The following ZNF148 variants were observed in gnomAD, a reference collection of about 807,000 sequenced individuals.
ZNF148 encodes the protein zinc finger protein 148, also known as Beta-Enolase Repressor Factor-1.
ZNF148 carries 7 observed loss-of-function variants against 67.7 expected under a neutral mutation model. That is an observed-to-expected ratio of 0.10 (90% CI 0.06 to 0.19). The LOEUF (loss-of-function observed/expected upper bound fraction) is 0.19. ZNF148 is among the 10% of genes least tolerant of loss of function. The pLI is 1.00. For synonymous variants in ZNF148, 333 were observed against 330.7 expected (o/e 1.01, Z -0.08); for missense variants, 583 against 947.1 (o/e 0.62, Z 5.05).
At chr3:125,248,069 T>C (rs1228330457) in intron 7 of ZNF148, among the ~76,000 whole-genome samples, 1 of 152,178 alleles carries the variant, frequency 6.6e-6, no homozygotes, top group Non-Finnish European at 1.5e-5. Context: ...GATGTTCCAA[T>C]GATGGCACCT....
chr3:125,282,563 AT>A (rs917320187), intron 5 of ZNF148, among the ~76,000 whole-genome samples: 3 of 152,056 alleles, frequency 2.0e-5, no homozygotes, highest in East Asian at 1.9e-4. Flanking sequence ...AACACACTAC[AT>A]TTTTTTTCTT....
At position 125,230,965 on chromosome 3, in the gene ZNF148, C is replaced by G. The variant is rs1935832449; in HGVS notation, c.*1376G>C. The G allele has an allele frequency of 6.6e-6, 1 of 151,808 alleles. No homozygotes were observed. The highest frequency in any genetic ancestry group is 1.5e-5 in the Non-Finnish European group (1 of 67,812). 9.4% of individuals were successfully genotyped at this position (151,808 alleles called of 1,614,324 possible). A position where few individuals can be genotyped will look rare whatever the true frequency, so the allele number is the denominator to read the frequency against. On this transcript the variant is annotated 3_prime_UTR_variant, in exon 9 of 9. Transcript: ENST00000360647. ...TACATAAAAGCACTATTTATTGTAC[C>G]ATGCTGTATTATTTTAAGACAGAGT... is the stretch of plus-strand genomic sequence containing the variant.
At chr3:125,371,509 A>C (rs1295254082) in intron 1 of ZNF148, among the ~76,000 whole-genome samples, 2 of 151,338 alleles carry the variant, frequency 1.3e-5, no homozygotes, top group East Asian at 2.0e-4. Context: ...ACACAAAAAA[A>C]TTAGCCAGGT....
intron 4 of ZNF148, among the ~76,000 whole-genome samples, chr3:125,294,124 T>C (rs1051362069): frequency 6.6e-6 from 1 of 151,934 alleles, no homozygotes; most frequent in Non-Finnish European, 1.5e-5. Context: ...AATCTAACCA[T>C]GAGAAAACAC....
chr3:125,236,035 C>T (rs1235266753), intron 7 of ZNF148, among the ~76,000 whole-genome samples: 1 of 150,810 alleles, frequency 6.6e-6, no homozygotes, highest in Non-Finnish European at 1.5e-5. Context: ...ACCAACATGG[C>T]ACATGTATAC....
chr3:125,251,862 C>G (rs1196365670), intron 7 of ZNF148, among the ~76,000 whole-genome samples: 1 of 152,170 alleles, frequency 6.6e-6, no homozygotes, highest in Non-Finnish European at 1.5e-5. Flanking sequence ...TGTTCAGTCT[C>G]CACAGATTAC....
chr3:125,335,233 A>T (rs181319139), intron 1 of ZNF148, among the ~76,000 whole-genome samples: 1 of 152,320 alleles, frequency 6.6e-6, no homozygotes, highest in East Asian at 1.9e-4. Context: ...TGCCTAAAAC[A>T]GTGCCTTACA....
intron 7 of ZNF148, among the ~76,000 whole-genome samples, chr3:125,264,386 AATAGG>A (rs1937478343): frequency 6.6e-6 from 1 of 152,194 alleles, no homozygotes; most frequent in East Asian, 1.9e-4. Flanking sequence ...TAAACTGTAT[AATAGG>A]ACAGCCGGCT....
intron 1 of ZNF148, among the ~76,000 whole-genome samples, chr3:125,353,593 CTA>C (rs1052123210): frequency 6.6e-6 from 1 of 151,904 alleles, no homozygotes; most frequent in African/African-American, 2.4e-5. Context: ...TCCTGTGAGT[CTA>C]TAATTTTTTC....
chr3:125,286,013 T>C (rs962201407), intron 5 of ZNF148, among the ~76,000 whole-genome samples: 1 of 152,146 alleles, frequency 6.6e-6, no homozygotes, highest in Non-Finnish European at 1.5e-5. Flanking sequence ...AATAAGAAGA[T>C]AATCTGGGTT....
Position 125,305,222 on chromosome 3 carries a change from A to G in ZNF148, c.333+8086T>C, listed in dbSNP as rs919230810. 7.9e-5 allele frequency among the ~76,000 whole-genome samples: 12 copies of G among 152,356 alleles called. No individual in the cohort carries two copies. In the East Asian group the frequency reaches 1.7e-3, roughly 22 times the overall value. ...TGCCTGTCAGAATGCAATGGCGAGA[A>G]AACACAGCATTATTTGTACAATATT... On this transcript the variant is annotated intron_variant, in intron 4 of 8. Transcript: ENST00000360647.
chr3:125,324,483 A>T (rs888492248), intron 2 of ZNF148, among the ~76,000 whole-genome samples: 1 of 152,222 alleles, frequency 6.6e-6, no homozygotes, highest in Non-Finnish European at 1.5e-5. Flanking sequence ...CTCAAAACAA[A>T]AACAGAGTAC....
intron 4 of ZNF148, among the ~76,000 whole-genome samples, chr3:125,312,616 T>A (rs1940276124): frequency 6.6e-6 from 1 of 152,112 alleles, no homozygotes; most frequent in Non-Finnish European, 1.5e-5. Context: ...GAGGGTAATA[T>A]CTCAAGCAGG....
intron 1 of ZNF148, among the ~76,000 whole-genome samples, chr3:125,371,764 T>C (rs1338474406): frequency 1.3e-5 from 2 of 151,132 alleles, no homozygotes; most frequent in African/African-American, 4.9e-5. Context: ...CAGAAGACTG[T>C]CAAAGAATAC....
At chr3:125,365,839 A>G (rs1942685890) in intron 1 of ZNF148, among the ~76,000 whole-genome samples, 1 of 152,192 alleles carries the variant, frequency 6.6e-6, no homozygotes, top group Non-Finnish European at 1.5e-5. Flanking sequence ...TCAATAATAA[A>G]TAAATAAATA....
intron 4 of ZNF148, among the ~76,000 whole-genome samples, chr3:125,293,588 T>C (rs911551782): frequency 2.0e-5 from 3 of 152,116 alleles, no homozygotes; most frequent in Non-Finnish European, 4.4e-5. Context: ...TCAGAGGATG[T>C]CAAAAGGACA....
chr3:125,264,290 T>C (rs956999406), intron 7 of ZNF148, among the ~76,000 whole-genome samples: 8 of 152,252 alleles, frequency 5.3e-5, no homozygotes, highest in African/African-American at 1.9e-4. Flanking sequence ...GTGATTGGCA[T>C]CCGAAGAGGG....
intron 1 of ZNF148, among the ~76,000 whole-genome samples, chr3:125,338,267 T>C (rs1267446898): frequency 6.6e-6 from 1 of 152,152 alleles, no homozygotes; most frequent in African/African-American, 2.4e-5. Flanking sequence ...CAAAGTTCAA[T>C]GTAACACCAA....
At chr3:125,281,386 A>C (rs1390521480) in intron 5 of ZNF148, among the ~76,000 whole-genome samples, 1 of 152,260 alleles carries the variant, frequency 6.6e-6, no homozygotes, top group African/African-American at 2.4e-5. Context: ...TATTTTATAC[A>C]TAAAACAAAC....
Sources: allele counts gnomAD v4.1 joint callset (sites outside exome capture counted in the v4.1 genomes callset), GRCh38; gene constraint gnomAD v4.1.1; transcripts MANE v1.5; gene names NCBI Gene and HGNC (gene_info 2026-07-23, HGNC 2026-07-21).